The following UQCRC2 variants were observed in gnomAD, a reference collection of about 807,000 sequenced individuals.
UQCRC2 encodes the protein ubiquinol-cytochrome c reductase core protein 2.
UQCRC2 carries 49 observed loss-of-function variants against 55.6 expected under a neutral mutation model. The observed-to-expected ratio is 0.88, with a 90% CI of 0.70 to 1.12. The LOEUF is 1.12. Among genes scored for constraint, UQCRC2 ranks in the 50% most tolerant of loss-of-function variants. The pLI, the probability that UQCRC2 is intolerant of heterozygous loss-of-function variation, is 0.00. For missense variants in UQCRC2, 506 were observed against 547.8 expected, an observed-to-expected ratio of 0.92 and a Z score of 0.76; for synonymous variants, 193 against 192.0, an observed-to-expected ratio of 1.01 and a Z score of -0.04.
intron 8 of UQCRC2, 53 bp downstream of exon 8, chr16:21,968,738 T>C: frequency 1.3e-6 from 2 of 1,514,872 alleles, no homozygotes; most frequent in South Asian, 2.5e-5. Context: ...GAGCAGTTCC[T>C]TAAACTGTAA....
intron 12 of UQCRC2, 137 bp downstream of exon 12, chr16:21,976,380 A>G (rs1470584283): frequency 7.1e-6 from 5 of 706,282 alleles, no homozygotes; most frequent in Admixed American, 5.4e-5. Flanking sequence ...ACATACCCAT[A>G]TCCTACCACC....
In UQCRC2 at chr16:21,962,495, T is replaced by C. The variant is rs1898227938; in HGVS notation, c.368T>C (p.Val123Ala). The C allele has an allele frequency of 1.2e-6, 2 of 1,614,170 alleles. No homozygotes were observed. Among genetic ancestry groups the C allele is most frequent in the African/African-American group, 1.3e-5 (1 of 75,054 alleles). Residue 123 changes from valine to alanine, a missense_variant, in exon 5 of 14, where the codon GTG (valine) becomes GCG (alanine). By Grantham distance (64) the Val-to-Ala change is moderately conservative (BLOSUM62 0). Coordinates refer to ENST00000268379, the MANE Select transcript of UQCRC2 (RefSeq NM_003366.4). ...ACAAGGGAAAACATGGCTTATACTG[T>C]GGAATGCCTGCGGGGTGATGTGTAA... is the stretch of plus-strand genomic sequence containing the variant. ...TATRENMAYT[V>A]ECLRGDVDIL... is the part of the protein sequence containing the mutation.
chr16:21,961,294 A>T, intron 4 of UQCRC2: 1 of 442,940 alleles, frequency 2.3e-6, no homozygotes, highest in South Asian at 1.6e-5. Context: ...TATTCTTTAT[A>T]AAGACTGGAA....
chr16:21,955,054 CAAAAA>C (rs11388256), intron 1 of UQCRC2, among the ~76,000 whole-genome samples: 1 of 101,894 alleles, frequency 9.8e-6, no homozygotes, highest in Non-Finnish European at 1.9e-5. Context: ...GACTCCGTCT[CAAAAA>C]AAAAAAAAAA....
At chr16:21,971,895 C>T (rs1406144282) in intron 9 of UQCRC2, 28 bp from the exon 10 acceptor site, 1 of 1,611,756 alleles carries the variant, frequency 6.2e-7, no homozygotes, top group African/African-American at 1.3e-5. Context: ...CCATTTTCTT[C>T]TTCCCTCTAT....
At chr16:21,973,749 T>G in intron 10 of UQCRC2, 147 bp from the exon 11 acceptor site, 3 of 674,682 alleles carry the variant, frequency 4.4e-6, no homozygotes, top group Middle Eastern at 3.9e-4. Flanking sequence ...ACAGAATACT[T>G]CAGTTCGTGA....
intron 6 of UQCRC2, chr16:21,963,126 T>C: frequency 3.1e-6 from 1 of 322,610 alleles, no homozygotes. Context: ...GCAGCTGGAA[T>C]TATAGGTGTG....
At chr16:21,959,078 G>A (rs1898142446) in intron 4 of UQCRC2, among the ~76,000 whole-genome samples, 1 of 152,212 alleles carries the variant, frequency 6.6e-6, no homozygotes, top group Non-Finnish European at 1.5e-5. Flanking sequence ...GGAGGGTCTT[G>A]CCTCCACGTT....
intron 13 of UQCRC2, among the ~76,000 whole-genome samples, chr16:21,981,933 C>T (rs898538386): frequency 1.3e-5 from 2 of 151,078 alleles, no homozygotes; most frequent in Non-Finnish European, 3.0e-5. Flanking sequence ...CTCCGCCTCC[C>T]GGGTTCACGC....
chr16:21,982,662 T>C (rs1898760682), intron 13 of UQCRC2, among the ~76,000 whole-genome samples: 1 of 152,198 alleles, frequency 6.6e-6, no homozygotes, highest in South Asian at 2.1e-4. Flanking sequence ...TAGTAATTGC[T>C]GGCTTAGAAT....
Position 21,965,664 on chromosome 16 carries a change from C to G in UQCRC2, c.612+159C>G, listed in dbSNP as rs1898308253. On this transcript the variant is annotated intron_variant, in intron 7 of 13. Coordinates refer to ENST00000268379, the MANE Select transcript of UQCRC2 (RefSeq NM_003366.4). The stretch of plus-strand genomic sequence containing the variant: ...ACCTGCTTTTTAACTAAAATTTTAT[C>G]TGAACAATTTTTGTGTCTCCTTTAA... 4 of 555,814 alleles carry G rather than the reference C, an allele frequency of 7.2e-6. No individual in the cohort carries two copies. In the Admixed American group the frequency reaches 1.1e-4, roughly 16 times the overall value. The allele number at this position is 555,814 out of a possible 1,614,324, so 34.4% of individuals were successfully genotyped here. A position where few individuals can be genotyped will look rare whatever the true frequency, so the allele number is the denominator to read the frequency against.
chr16:21,967,540 C>G (rs1163436074), intron 7 of UQCRC2, among the ~76,000 whole-genome samples: 1 of 151,894 alleles, frequency 6.6e-6, no homozygotes. Context: ...GTATATTAAG[C>G]CTAAGGTGGT....
intron 9 of UQCRC2, 135 bp from the exon 10 acceptor site, chr16:21,971,788 C>T: frequency 7.4e-7 from 1 of 1,357,774 alleles, no homozygotes; most frequent in South Asian, 1.3e-5. Context: ...TGTTTGGGGA[C>T]AGGATGGCAT....
Position 21,980,789 on chromosome 16 carries a change from G to C in UQCRC2, c.1278+89G>C, listed in dbSNP as rs527565120. On this transcript the variant is annotated intron_variant, in intron 13 of 13. Coordinates refer to ENST00000268379, the MANE Select transcript of UQCRC2 (RefSeq NM_003366.4). ...AAGGATGCATAAGCGTCCTTGGGCA[G>C]TGTATTATTCTTATGTTTGGTGCTC... 1.3e-5 allele frequency: 19 copies of C among 1,487,528 alleles called. No individual in the cohort carries two copies. The East Asian group carries it at 4.3e-4, about 34-fold the overall frequency. 92.1% of individuals were successfully genotyped at this position (1,487,528 alleles called of 1,614,324 possible).
chr16:21,963,098 C>G (rs1324451898), intron 6 of UQCRC2: 1 of 410,412 alleles, frequency 2.4e-6, no homozygotes, highest in East Asian at 5.3e-5. Flanking sequence ...AAGCAATTCT[C>G]CTGCCTCAGC....
chr16:21,962,113 C>G (rs1488225386), intron 4 of UQCRC2: 3 of 206,318 alleles, frequency 1.5e-5, no homozygotes, highest in Non-Finnish European at 3.0e-5. Context: ...AACTGCCATT[C>G]TCTTTTCAGT....
intron 4 of UQCRC2, among the ~76,000 whole-genome samples, chr16:21,959,074 T>A (rs945164787): frequency 6.6e-6 from 1 of 152,158 alleles, no homozygotes; most frequent in African/African-American, 2.4e-5. Context: ...TGGTGGAGGG[T>A]CTTGCCTCCA....
chr16:21,973,841 C>A (rs762524651), intron 10 of UQCRC2, 55 bp from the exon 11 acceptor site: 1 of 1,520,430 alleles, frequency 6.6e-7, no homozygotes, highest in South Asian at 1.2e-5. Context: ...TTAAAGAAAT[C>A]GTGCCCTGTT....
chr16:21,962,798 G>A lies in UQCRC2; in HGVS notation c.427G>A (p.Ala143Thr), dbSNP rs894492624. The change falls in exon 6 of 14, where the codon GCA becomes ACA. Residue 143 changes from alanine (A) to threonine (T), a missense_variant. By Grantham distance (58) the Ala-to-Thr change is moderately conservative. Coordinates refer to ENST00000268379, the MANE Select transcript of UQCRC2 (RefSeq NM_003366.4). ...LMEFLLNVTT[A>T]PEFRRWEVAD... ...GGAGTTCCTGCTCAATGTCACCACA[G>A]CACCAGAATTTCGTCGTTGGGAAGT... 1 of 1,614,104 alleles carries A rather than the reference G, an allele frequency of 6.2e-7. No individual in the cohort carries two copies. The highest frequency in any genetic ancestry group is 8.5e-7 in the Non-Finnish European group (1 of 1,180,026).
Sources: gnomAD v4.1 joint callset for allele counts (sites outside exome capture counted in the v4.1 genomes callset) on GRCh38, gnomAD v4.1.1 for gene constraint, MANE v1.5 for transcripts, NCBI Gene and HGNC (gene_info 2026-07-23, HGNC 2026-07-21) for gene names.